The following CTIF variants were observed in gnomAD, a reference collection of about 807,000 sequenced individuals.
CTIF encodes cap binding complex dependent translation initiation factor.
Under a neutral mutation model 66.0 loss-of-function variants are expected in CTIF, and 21 were observed. The ratio of observed to expected loss-of-function variants is 0.32; its 90% CI spans 0.23 to 0.46. The LOEUF is 0.46. Among genes scored for constraint, CTIF ranks in the 20% least tolerant of loss-of-function variants. The probability of loss-of-function intolerance (pLI) is 1.00; values close to 1 mark genes in which losing one functional copy is unlikely to be tolerated. For synonymous variants in CTIF, 345 were observed against 326.4 expected (o/e 1.06, Z -0.62); for missense variants, 739 against 812.7 (o/e 0.91, Z 1.10).
rs572686848 is a variant in CTIF, at chr18:48,653,393, A to G, written c.253-10359A>G. Reference sequence around the variant, plus strand: ...ATTCACAATTGCTACAAAGAGAATAAAATACCTAGGAATCCAACTTATAAG... The same window carrying G: ...ATTCACAATTGCTACAAAGAGAATAGAATACCTAGGAATCCAACTTATAAG... On this transcript the variant is annotated intron_variant, in intron 3 of 11. Transcript: ENST00000256413. Among the ~76,000 whole-genome samples, 5 of 152,342 alleles carry G rather than the reference A, an allele frequency of 3.3e-5. No individual in the cohort carries two copies. The South Asian group carries it at 1.0e-3, about 32-fold the overall frequency.
At chr18:48,700,596 C>G (rs764507833) in intron 6 of CTIF, among the ~76,000 whole-genome samples, 15 of 152,222 alleles carry the variant, frequency 9.9e-5, no homozygotes, top group Non-Finnish European at 1.9e-4. Flanking sequence ...GTGACTACTG[C>G]TAGTTTGTAT....
At chr18:48,610,576 C>T (rs2090290419) in intron 1 of CTIF, among the ~76,000 whole-genome samples, 1 of 152,240 alleles carries the variant, frequency 6.6e-6, no homozygotes. Flanking sequence ...TTCCACACTC[C>T]TGCGGGCTGC....
chr18:48,744,861 T>C (rs2092583447), intron 7 of CTIF, among the ~76,000 whole-genome samples: 1 of 151,444 alleles, frequency 6.6e-6, no homozygotes, highest in Non-Finnish European at 1.5e-5. Context: ...CTCACGCTGT[T>C]GCCCAGGCTG....
chr18:48,774,467 G>A (rs982989010), intron 9 of CTIF, among the ~76,000 whole-genome samples: 3 of 151,984 alleles, frequency 2.0e-5, no homozygotes, highest in Admixed American at 6.6e-5. Context: ...GAAAAACAGC[G>A]GCCTCTTTGG....
chr18:48,771,886 C>T (rs1014046952), intron 9 of CTIF, among the ~76,000 whole-genome samples: 4 of 152,258 alleles, frequency 2.6e-5, no homozygotes, highest in Non-Finnish European at 5.9e-5. Context: ...TGCCCGGGCA[C>T]GGCCGGCCCA....
intron 3 of CTIF, 76 bp from the exon 4 acceptor site, chr18:48,663,676 C>G: frequency 7.2e-7 from 1 of 1,395,616 alleles, no homozygotes. Flanking sequence ...CCCCCAGCCC[C>G]TCAGGCCCTG....
At chr18:48,687,685 A>G (rs2091864555) in intron 6 of CTIF, among the ~76,000 whole-genome samples, 1 of 152,216 alleles carries the variant, frequency 6.6e-6, no homozygotes, top group South Asian at 2.1e-4. Flanking sequence ...CATCAATCAC[A>G]GAACCAGAGA....
At chr18:48,749,241 T>C (rs1306654648) in intron 7 of CTIF, among the ~76,000 whole-genome samples, 1 of 152,190 alleles carries the variant, frequency 6.6e-6, no homozygotes, top group Non-Finnish European at 1.5e-5. Context: ...CTAAGGCCCA[T>C]CAGCCAGGGT....
intron 2 of CTIF, among the ~76,000 whole-genome samples, chr18:48,626,036 C>G (rs949336108): frequency 7.9e-6 from 1 of 127,168 alleles, no homozygotes; most frequent in Non-Finnish European, 1.6e-5. Context: ...GAGTCTCACT[C>G]TGTCACCAAG....
At chr18:48,822,952 C>G (rs1348021254) in intron 10 of CTIF, among the ~76,000 whole-genome samples, 1 of 152,110 alleles carries the variant, frequency 6.6e-6, no homozygotes, top group African/African-American at 2.4e-5. Flanking sequence ...TGGCCATTTT[C>G]CATGTCTTCT....
chr18:48,551,953 A>C (rs1189475544), intron 1 of CTIF, among the ~76,000 whole-genome samples: 1 of 151,910 alleles, frequency 6.6e-6, no homozygotes, highest in Non-Finnish European at 1.5e-5. Flanking sequence ...GCCCGCCACC[A>C]CGCCCAGCTA....
intron 8 of CTIF, among the ~76,000 whole-genome samples, chr18:48,758,886 G>T (rs1457784021): frequency 6.6e-6 from 1 of 152,212 alleles, no homozygotes; most frequent in African/African-American, 2.4e-5. Flanking sequence ...TGTTCAGAGT[G>T]GGGGCAGGCT....
chr18:48,789,978 C>T (rs2067757050), intron 9 of CTIF, among the ~76,000 whole-genome samples: 1 of 152,190 alleles, frequency 6.6e-6, no homozygotes. Context: ...TTTCCCCTCT[C>T]TATGTCCTAG....
chr18:48,682,606 C>G (rs1359745219), intron 6 of CTIF, among the ~76,000 whole-genome samples: 1 of 152,232 alleles, frequency 6.6e-6, no homozygotes, highest in Non-Finnish European at 1.5e-5. Flanking sequence ...CCCCTATCCC[C>G]TTCTATCTGC....
rs567515974 is a variant in CTIF, at chr18:48,862,111, C to T, written c.*2552C>T. ...AATTTGAGACCCCGAGGCAGCTTCCCGAGGGAGACTGCTCAGACAGGAACT... is the reference window on the plus strand; with the variant it reads ...AATTTGAGACCCCGAGGCAGCTTCCTGAGGGAGACTGCTCAGACAGGAACT... On this transcript the variant is annotated 3_prime_UTR_variant, in exon 12 of 12. Transcript: ENST00000256413. 5.9e-5 allele frequency: 9 copies of T among 152,154 alleles called. No individual in the cohort carries two copies. The highest frequency in any genetic ancestry group is 2.2e-4 in the African/African-American group (9 of 41,514). The allele number at this position is 152,154 out of a possible 1,614,324, so 9.4% of individuals were successfully genotyped here.
In CTIF at chr18:48,645,987, C is replaced by T. The variant is rs139370088; in HGVS notation, c.252+9302C>T. On this transcript the variant is annotated intron_variant, in intron 3 of 11. Transcript: ENST00000256413. Reference sequence around the variant, plus strand: ...CTCTCATGAGCTAACATGAAAATGTCCTGGTTTCAATTAAAAATTGTTTGT... The same window carrying T: ...CTCTCATGAGCTAACATGAAAATGTTCTGGTTTCAATTAAAAATTGTTTGT... Among the ~76,000 whole-genome samples, 50 of 152,250 alleles carry T rather than the reference C, an allele frequency of 3.3e-4. 2 individuals carry two copies. The highest frequency in any genetic ancestry group is 3.1e-3 in the South Asian group (15 of 4,822).
At chr18:48,772,231 G>A (rs1433113905) in intron 9 of CTIF, among the ~76,000 whole-genome samples, 1 of 152,246 alleles carries the variant, frequency 6.6e-6, no homozygotes, top group African/African-American at 2.4e-5. Flanking sequence ...AACCTAGCGG[G>A]AGGGAGTGGC....
rs58084631 is a variant in CTIF, at chr18:48,568,633, T to TAAAAAAAAAAAAAAAAAAAAAAAA, written c.-29+29333_-29+29356dup. On this transcript the variant is annotated intron_variant, in intron 1 of 11. Transcript: ENST00000256413. The stretch of plus-strand genomic sequence containing the variant: ...GAAATACCTGAGACTGGGCAATTTG[T>TAAAAAAAAAAAAAAAAAAAAAAAA]AAAAAAAAAAAAAAAAAAAAAAAAA... Among the ~76,000 whole-genome samples, 18 of 36,644 alleles carry TAAAAAAAAAAAAAAAAAAAAAAAA rather than the reference T, an allele frequency of 4.9e-4. 6 individuals carry two copies. Among genetic ancestry groups the TAAAAAAAAAAAAAAAAAAAAAAAA allele is most frequent in the Admixed American group, 7.1e-4 (2 of 2,808 alleles). 24.0% of individuals were successfully genotyped at this position (36,644 alleles called of 152,430 possible). A position where few individuals can be genotyped will look rare whatever the true frequency, so the allele number is the denominator to read the frequency against.
chr18:48,760,008 G>A (rs1265615492), intron 8 of CTIF, among the ~76,000 whole-genome samples: 2 of 152,146 alleles, frequency 1.3e-5, no homozygotes, highest in African/African-American at 4.8e-5. Flanking sequence ...ATCAGGGAGA[G>A]CAACACTTTC....
Sources: gnomAD v4.1 joint callset for allele counts (sites outside exome capture counted in the v4.1 genomes callset) on GRCh38, gnomAD v4.1.1 for gene constraint, MANE v1.5 for transcripts, NCBI Gene and HGNC (gene_info 2026-07-23, HGNC 2026-07-21) for gene names.